KIF15: variants seen among roughly 807,000 people sequenced by gnomAD.
KIF15 encodes the protein kinesin-like protein KIF15.
A neutral mutation model predicts 190.6 loss-of-function variants in KIF15; 140 were observed. The observed-to-expected ratio is 0.73, with a 90% CI of 0.64 to 0.84. The LOEUF (loss-of-function observed/expected upper bound fraction) is 0.84. KIF15 is among the 40% of genes least tolerant of loss of function. The pLI, the probability that KIF15 is intolerant of heterozygous loss-of-function variation, is 0.00. For synonymous variants in KIF15, 528 were observed against 551.3 expected, an observed-to-expected ratio of 0.96 and a Z score of 0.59; for missense variants, 1,372 against 1,584.4, an observed-to-expected ratio of 0.87 and a Z score of 2.28.
intron 24 of KIF15, among the ~76,000 whole-genome samples, chr3:44,829,299 G>T (rs966398269): frequency 6.7e-6 from 1 of 150,334 alleles, no homozygotes; most frequent in Non-Finnish European, 1.5e-5. Context: ...GGAGCTTGCA[G>T]TGAGCCGAGA....
In KIF15 at chr3:44,861,871, G is replaced by C. The variant is rs1314034369; in HGVS notation, c.*59+9077G>C. On this transcript the variant is annotated intron_variant and NMD_transcript_variant, in intron 6 of 6. Coordinates refer to the KIF15 transcript ENST00000422209. Reference sequence around the variant, plus strand: ...CACGTGAGGCTGCCATCCAATCGCGGCGCGCGCTCTGCCCTGCGGGCAGCG... The same window carrying C: ...CACGTGAGGCTGCCATCCAATCGCGCCGCGCGCTCTGCCCTGCGGGCAGCG... 2.7e-6 allele frequency: 4 copies of C among 1,485,820 alleles called. No individual in the cohort carries two copies. The African/African-American group carries it at 5.8e-5, about 22-fold the overall frequency. 92.0% of individuals were successfully genotyped at this position (1,485,820 alleles called of 1,614,324 possible).
intron 20 of KIF15, 51 bp downstream of exon 20, chr3:44,815,127 G>A (rs755180519): frequency 2.2e-5 from 30 of 1,393,532 alleles, no homozygotes; most frequent in Admixed American, 7.8e-5. Context: ...TGTAACCTAC[G>A]ACTGTTTGAA....
At chr3:44,861,728 G>C in intron 6 of KIF15, 3 of 562,190 alleles carry the variant, frequency 5.3e-6, no homozygotes, top group Non-Finnish European at 9.0e-6. Flanking sequence ...ACCTACTACA[G>C]GTTAGGCCGG....
At chr3:44,783,827 G>A (rs142301389) in intron 5 of KIF15, among the ~76,000 whole-genome samples, 150 of 151,948 alleles carry the variant, frequency 9.9e-4, no homozygotes, top group African/African-American at 3.5e-3. Flanking sequence ...AGTTCCTTTG[G>A]TCTCTAAGGC....
intron 7 of KIF15, among the ~76,000 whole-genome samples, chr3:44,792,079 CT>C (rs1003033765): frequency 6.6e-6 from 1 of 151,798 alleles, no homozygotes; most frequent in African/African-American, 2.4e-5. Flanking sequence ...CTCTCTCTCT[CT>C]TGTTTTTTGT....
intron 20 of KIF15, among the ~76,000 whole-genome samples, chr3:44,824,721 C>G (rs1697547886): frequency 6.6e-6 from 1 of 152,114 alleles, no homozygotes; most frequent in African/African-American, 2.4e-5. Context: ...TTGCTACATA[C>G]TTAAATTCTA....
downstream of KIF15, among the ~76,000 whole-genome samples, chr3:44,853,964 A>G (rs1699151376): frequency 6.6e-6 from 1 of 152,260 alleles, no homozygotes; most frequent in Admixed American, 6.5e-5. Flanking sequence ...GATAGAAAGT[A>G]AATCATTGGC....
chr3:44,864,347 A>C (rs772848552), intron 6 of KIF15: 1 of 1,614,054 alleles, frequency 6.2e-7, no homozygotes, highest in Non-Finnish European at 8.5e-7. Flanking sequence ...CAGCTCGGTG[A>C]GTAGCCTGAG....
At chr3:44,826,729 TATA>T (rs1697678268) in intron 22 of KIF15, among the ~76,000 whole-genome samples, 1 of 152,182 alleles carries the variant, frequency 6.6e-6, no homozygotes, top group South Asian at 2.1e-4. Flanking sequence ...ACAGCAAATA[TATA>T]ATAAGATGAC....
downstream of KIF15, among the ~76,000 whole-genome samples, chr3:44,857,910 C>G (rs553593229): frequency 6.6e-6 from 1 of 152,242 alleles, no homozygotes; most frequent in South Asian, 2.1e-4. Context: ...GGAGGGTGTC[C>G]TGTTGAGAAG....
intron 20 of KIF15, among the ~76,000 whole-genome samples, chr3:44,819,844 G>T (rs1020891720): frequency 6.6e-6 from 1 of 152,162 alleles, no homozygotes; most frequent in African/African-American, 2.4e-5. Flanking sequence ...TGACAGTGGG[G>T]TGTTAAAGTC....
intron 6 of KIF15, among the ~76,000 whole-genome samples, chr3:44,867,653 C>T (rs1699335334): frequency 6.6e-6 from 1 of 151,778 alleles, no homozygotes; most frequent in Non-Finnish European, 1.5e-5. Context: ...TGTATTTGTA[C>T]AAGATGTACA....
chr3:44,829,796 A>C (rs568983487), intron 24 of KIF15, among the ~76,000 whole-genome samples, 175 bp from the exon 25 acceptor site: 51 of 144,292 alleles, frequency 3.5e-4, no homozygotes, highest in African/African-American at 9.1e-4. Context: ...ATATATGCAT[A>C]TATAATATAT....
rs1559532701 is a variant in KIF15 at position 44,786,384 on chromosome 3, C to CT, written c.460-5dup. On this transcript the variant is annotated splice_polypyrimidine_tract_variant and intron_variant, in intron 6 of 34. Transcript: ENST00000326047. ...AAAATAATGTATCTAAATGAGGCTT[C>CT]TTTTTTACAGGCTGGAGCTGGAAAG... 3 of 1,587,730 alleles carry CT rather than the reference C, an allele frequency of 1.9e-6. No individual in the cohort carries two copies. Among genetic ancestry groups the CT allele is most frequent in the Non-Finnish European group, 2.6e-6 (3 of 1,164,224 alleles).
Position 44,843,133 on chromosome 3 carries a change from GC to G in KIF15, c.3595del (p.Arg1199ValfsTer13). The G allele has an allele frequency of 6.2e-7, 1 of 1,611,404 alleles. No individual in the cohort carries two copies. Among genetic ancestry groups the G allele is most frequent in the Non-Finnish European group, 8.5e-7 (1 of 1,178,462 alleles). ...AEILRMKEQL[R>X]EMENLRLESQ... ...CGATTTGATGTTATTAGGAGCAGTT[GC>G]GTGAAATGGAAAACCTACGCCTGGA... On this transcript the variant is annotated frameshift_variant, in exon 30 of 35. Transcript: ENST00000326047. LOFTEE classifies it high-confidence loss of function.
chr3:44,773,028 C>A (rs1290196580), intron 1 of KIF15, among the ~76,000 whole-genome samples: 2 of 152,020 alleles, frequency 1.3e-5, no homozygotes, highest in African/African-American at 2.4e-5. Context: ...GGAAAGCACA[C>A]CAGCTTGGTT....
At chr3:44,829,428 ATATATATG>A (rs1487399253) in intron 24 of KIF15, among the ~76,000 whole-genome samples, 1 of 139,108 alleles carries the variant, frequency 7.2e-6, no homozygotes, top group Non-Finnish European at 1.5e-5. Context: ...TGTATATATA[ATATATATG>A]TATATATTAT....
chr3:44,786,636 A>G (rs1045374095), intron 7 of KIF15, 62 bp downstream of exon 7: 1 of 1,388,696 alleles, frequency 7.2e-7, no homozygotes, highest in African/African-American at 1.4e-5. Flanking sequence ...ATGCACCCCA[A>G]ACTCCAAAAA....
chr3:44,845,647 C>T (rs1383328153), intron 30 of KIF15, among the ~76,000 whole-genome samples: 1 of 152,098 alleles, frequency 6.6e-6, no homozygotes, highest in Non-Finnish European at 1.5e-5. Context: ...TATGTCAAAA[C>T]CCTAACAAAG....
Sources: gnomAD v4.1 joint callset for allele counts (sites outside exome capture counted in the v4.1 genomes callset) on GRCh38, gnomAD v4.1.1 for gene constraint, MANE v1.5 for transcripts, NCBI Gene and HGNC (gene_info 2026-07-23, HGNC 2026-07-21) for gene names.